TNRC18: variants seen among roughly 807,000 people sequenced by gnomAD.
TNRC18 encodes trinucleotide repeat-containing gene 18 protein.
A neutral mutation model predicts 226.7 loss-of-function variants in TNRC18; 69 were observed. The ratio of observed to expected loss-of-function variants is 0.30; its 90% CI spans 0.25 to 0.37. TNRC18 has a LOEUF of 0.37. TNRC18 is among the 10% of genes least tolerant of loss of function. The probability of loss-of-function intolerance (pLI) is 1.00; values close to 1 mark genes in which losing one functional copy is unlikely to be tolerated. For missense variants in TNRC18, 4,754 were observed against 4,256.6 expected, an observed-to-expected ratio of 1.12 and a Z score of -3.25; for synonymous variants, 2,449 against 1,927.6, an observed-to-expected ratio of 1.27 and a Z score of -7.09.
chr7:5,308,005 C>T lies in TNRC18; in HGVS notation c.*101G>A. The stretch of plus-strand genomic sequence containing the variant: ...CCCCATGCACACGCCTGCAGGAGCG[C>T]TCGCATGCACACAACGCACGTGGTC... On this transcript the variant is annotated 3_prime_UTR_variant, in exon 30 of 30. Transcript: ENST00000430969. 1 of 1,135,300 alleles carries T rather than the reference C, an allele frequency of 8.8e-7. No individual in the cohort carries two copies. The highest frequency in any genetic ancestry group is 1.2e-6 in the Non-Finnish European group (1 of 801,734). The allele number at this position is 1,135,300 out of a possible 1,614,324, so 70.3% of individuals were successfully genotyped here. A position where few individuals can be genotyped will look rare whatever the true frequency, so the allele number is the denominator to read the frequency against.
chr7:5,345,864 C>A (rs567151825), intron 17 of TNRC18, 54 bp from the exon 18 acceptor site: 3 of 1,492,432 alleles, frequency 2.0e-6, no homozygotes, highest in East Asian at 5.0e-5. Flanking sequence ...GCGAGGGCCA[C>A]CCCCCACCGC....
intron 18 of TNRC18, among the ~76,000 whole-genome samples, chr7:5,339,575 G>GTGTT (rs1195858867): frequency 6.7e-6 from 1 of 148,224 alleles, no homozygotes; most frequent in Non-Finnish European, 1.5e-5. Flanking sequence ...GTGTGTGTGT[G>GTGTT]TGTTTTTCGA....
intron 19 of TNRC18, among the ~76,000 whole-genome samples, chr7:5,329,010 T>C (rs1789230161): frequency 6.6e-6 from 1 of 151,920 alleles, no homozygotes; most frequent in Non-Finnish European, 1.5e-5. Context: ...ACAATAAAAA[T>C]ATTGATAGAA....
intron 2 of TNRC18, among the ~76,000 whole-genome samples, chr7:5,404,414 T>C (rs974070419): frequency 2.0e-5 from 3 of 152,134 alleles, no homozygotes; most frequent in African/African-American, 7.2e-5. Context: ...AGAGAACCTG[T>C]AAATGGCTAA....
At chr7:5,369,765 G>C (rs1583946079) in intron 11 of TNRC18, among the ~76,000 whole-genome samples, 1 of 152,094 alleles carries the variant, frequency 6.6e-6, no homozygotes, top group Non-Finnish European at 1.5e-5. Context: ...ATTTAAATGA[G>C]AGTTTCTGTT....
intron 16 of TNRC18, among the ~76,000 whole-genome samples, chr7:5,352,390 CG>C (rs1223442401): frequency 6.6e-6 from 1 of 152,120 alleles, no homozygotes; most frequent in Admixed American, 6.6e-5. Context: ...CCAGGCTTTC[CG>C]GGCACCGGAG....
In TNRC18 at chr7:5,377,319, C is replaced by CCCCCCCCCCCCCCCCCCACA; in HGVS notation, c.2461+51_2461+52insTGTGGGGGGGGGGGGGGGGG. ...CCTGAGCTCTTGTCCTGCACCCGCC[C>CCCCCCCCCCCCCCCCCCACA]CCTCCCACCCCTCCCTCAGAGAAGG... On this transcript the variant is annotated intron_variant, in intron 7 of 29. Coordinates refer to ENST00000430969, the MANE Select transcript of TNRC18 (RefSeq NM_001080495.3). The surrounding 1 kb of genome is among the most constrained non-coding windows in gnomAD (Gnocchi z 5.8). The CCCCCCCCCCCCCCCCCCACA allele has an allele frequency of 9.8e-7, 1 of 1,016,388 alleles. No homozygotes were observed. Among genetic ancestry groups the CCCCCCCCCCCCCCCCCCACA allele is most frequent in the East Asian group, 2.6e-5 (1 of 37,890 alleles). 63.0% of individuals were successfully genotyped at this position (1,016,388 alleles called of 1,614,324 possible). A position where few individuals can be genotyped will look rare whatever the true frequency, so the allele number is the denominator to read the frequency against.
chr7:5,325,074 A>G (rs758984847), intron 20 of TNRC18, 22 bp downstream of exon 20: 3 of 1,549,022 alleles, frequency 1.9e-6, no homozygotes, highest in Admixed American at 3.9e-5. Context: ...ACAGCCCCCA[A>G]CCAGGGCACG....
In TNRC18 at chr7:5,332,998, C is replaced by A. The variant is rs760938806; in HGVS notation, c.5771G>T (p.Arg1924Leu). The A allele has an allele frequency of 1.9e-6, 3 of 1,575,342 alleles. No homozygotes were observed. Among genetic ancestry groups the A allele is most frequent in the Non-Finnish European group, 1.7e-6 (2 of 1,168,928 alleles). The change falls in exon 19 of 30, where the codon CGG becomes CTG. Residue 1924 changes from arginine to leucine, a missense_variant. Physicochemically the swap from Arg to Leu is moderately radical, Grantham distance 102. Coordinates refer to ENST00000430969, the MANE Select transcript of TNRC18 (RefSeq NM_001080495.3). ...GGGCCGCAGCAGCCCCGCAGGCGAC[C>A]GCTTGCGCACCTTGACCTCGCTCTC... The part of the protein sequence containing the change: ...DSESEVKVRK[R>L]SPAGLLRPKK...
chr7:5,315,186 G>A lies in TNRC18; in HGVS notation c.6863-38C>T, dbSNP rs771858623. On this transcript the variant is annotated intron_variant, in intron 25 of 29. Transcript: ENST00000430969. ...GGACAGAGTGGCTCATCAGGCCTGGGGTCCCCAGCTTGGAGCTTCCAAGAC... is the reference window on the plus strand; with the variant it reads ...GGACAGAGTGGCTCATCAGGCCTGGAGTCCCCAGCTTGGAGCTTCCAAGAC... The A allele has an allele frequency of 1.1e-4, 168 of 1,590,544 alleles. No homozygotes were observed. The Admixed American group carries it at 1.4e-3, about 13-fold the overall frequency.
intron 16 of TNRC18, among the ~76,000 whole-genome samples, chr7:5,356,559 CG>C (rs1425877067): frequency 6.6e-6 from 1 of 152,244 alleles, no homozygotes; most frequent in African/African-American, 2.4e-5. Flanking sequence ...GCCAAACAGC[CG>C]CAAACTCTAT....
At chr7:5,422,044 G>A (rs77257427) in intron 1 of TNRC18, among the ~76,000 whole-genome samples, 6,234 of 152,142 alleles carry the variant, frequency 0.041, 281 homozygotes, top group African/African-American at 0.093. Flanking sequence ...CTGGGGGTGG[G>A]AGGAGGGAGG....
chr7:5,366,225 C>T (rs192406527), intron 11 of TNRC18, among the ~76,000 whole-genome samples: 3 of 151,692 alleles, frequency 2.0e-5, no homozygotes, highest in African/African-American at 7.2e-5. Context: ...AGTGCTCCCC[C>T]CAAGCTGTGA....
Position 5,359,547 on chromosome 7 carries a change from T to G in TNRC18, c.4684A>C (p.Thr1562Pro). ...SGKLSSKSLL[T>P]SDDYELGAGI... ...GCTCCCAGCTCATAATCATCTGATG[T>G]CAGCAGAGACTTGCTGCTCAGCCTG... is the stretch of plus-strand genomic sequence containing the variant. Residue 1562 changes from threonine (T) to proline (P), a missense_variant, in exon 15 of 30, where the codon ACA (threonine) becomes CCA (proline). Thr to Pro is a conservative substitution (Grantham distance 38). Transcript: ENST00000430969. 7 of 1,613,988 alleles carry G rather than the reference T, an allele frequency of 4.3e-6. No individual in the cohort carries two copies. The highest frequency in any genetic ancestry group is 5.9e-6 in the Non-Finnish European group (7 of 1,179,896).
At chr7:5,410,555 G>A (rs1584110464) in intron 2 of TNRC18, among the ~76,000 whole-genome samples, 1 of 151,930 alleles carries the variant, frequency 6.6e-6, no homozygotes, top group Non-Finnish European at 1.5e-5. Flanking sequence ...TGAAATTTCA[G>A]AACAGTGATG....
At chr7:5,326,756 G>A (rs910578161) in intron 19 of TNRC18, among the ~76,000 whole-genome samples, 19 of 151,164 alleles carry the variant, frequency 1.3e-4, no homozygotes, top group South Asian at 4.2e-4. Flanking sequence ...GCAGTGAGCC[G>A]AGATCGCGCC....
chr7:5,320,270 T>A, intron 24 of TNRC18, 48 bp downstream of exon 24: 4 of 1,449,134 alleles, frequency 2.8e-6, no homozygotes, highest in Non-Finnish European at 3.8e-6. Flanking sequence ...AACAAGTCCA[T>A]ACTGAGATGT....
rs1159437654 is a variant in TNRC18 at position 5,390,468 on chromosome 7, C to A, written c.487+17G>T. ...GAAGGCCCCTGTGCCACCCCCAACC[C>A]CGGACTCCAGTCTTACCTCCTCCTG... On this transcript the variant is annotated intron_variant, in intron 4 of 29. Transcript: ENST00000430969. 3.7e-6 allele frequency: 6 copies of A among 1,613,374 alleles called. No individual in the cohort carries two copies. The highest frequency in any genetic ancestry group is 2.2e-5 in the East Asian group (1 of 44,866).
chr7:5,367,648 G>A (rs530809063), intron 11 of TNRC18, among the ~76,000 whole-genome samples: 5 of 151,410 alleles, frequency 3.3e-5, no homozygotes, highest in East Asian at 3.9e-4. Flanking sequence ...GGCTGGTCTC[G>A]AACTCCTGAC....
Sources: gnomAD v4.1 joint callset for allele counts (sites outside exome capture counted in the v4.1 genomes callset) on GRCh38, gnomAD v4.1.1 for gene constraint, Gnocchi (gnomAD v3.1) non-coding constraint, MANE v1.5 for transcripts, NCBI Gene and HGNC (gene_info 2026-07-23, HGNC 2026-07-21) for gene names.